Variants in MAPRE2 observed in about 807,000 individuals in gnomAD.
The protein encoded by MAPRE2 is microtubule-associated protein RP/EB family member 2.
A neutral mutation model predicts 43.2 loss-of-function variants in MAPRE2; 13 were observed. The observed-to-expected ratio is 0.30, with a 90% CI of 0.20 to 0.48. The LOEUF (loss-of-function observed/expected upper bound fraction) is 0.48, where lower values mean the gene tolerates loss of function less well. MAPRE2 is among the 20% of genes least tolerant of loss of function. The pLI, the probability that MAPRE2 is intolerant of heterozygous loss-of-function variation, is 0.99. For missense variants in MAPRE2, 161 were observed against 400.2 expected, an observed-to-expected ratio of 0.40 and a Z score of 5.10; for synonymous variants, 135 against 148.8, an observed-to-expected ratio of 0.91 and a Z score of 0.68.
chr18:35,102,777 C>T (rs1286009648), intron 4 of MAPRE2, among the ~76,000 whole-genome samples: 1 of 152,108 alleles, frequency 6.6e-6, no homozygotes, highest in Non-Finnish European at 1.5e-5. Context: ...ATATTATAAA[C>T]ATCCTTGCCA....
At position 35,079,020 on chromosome 18, in the gene MAPRE2, C is replaced by T. The variant is rs1023490993; in HGVS notation, c.250+8698C>T. On this transcript the variant is annotated intron_variant, in intron 2 of 6. Coordinates refer to ENST00000300249, the MANE Select transcript of MAPRE2 (RefSeq NM_014268.4). ...TCCCTCCAAGCAAGATGAGGTGGCT[C>T]TGAAATTTTGCCACCTGCCATGGAG... is the stretch of plus-strand genomic sequence containing the variant. Among the ~76,000 whole-genome samples, 10 of 152,180 alleles carry T rather than the reference C, an allele frequency of 6.6e-5. No individual in the cohort carries two copies. In the East Asian group the frequency reaches 9.6e-4, roughly 15 times the overall value.
intron 1 of MAPRE2, among the ~76,000 whole-genome samples, chr18:35,051,788 A>G (rs1211311297): frequency 6.6e-6 from 1 of 152,226 alleles, no homozygotes; most frequent in Non-Finnish European, 1.5e-5. Context: ...GCATATGGAA[A>G]TAATAGTAGC....
At position 35,062,861 on chromosome 18, in the gene MAPRE2, C is replaced by T. The variant is rs530503735; in HGVS notation, c.123-7334C>T. 4.6e-5 allele frequency among the ~76,000 whole-genome samples: 7 copies of T among 152,308 alleles called. No homozygotes were observed. In the South Asian group the frequency reaches 1.5e-3, roughly 32 times the overall value. On this transcript the variant is annotated intron_variant, in intron 1 of 6. Transcript: ENST00000300249. ...AAAAATATACTTTTTCTTTATATCT[C>T]TCTTCTAGTCTGCTCGTTGTTTCAT...
intron 1 of MAPRE2, among the ~76,000 whole-genome samples, chr18:35,046,431 C>T (rs1905625050): frequency 6.6e-6 from 1 of 152,178 alleles, no homozygotes; most frequent in Admixed American, 6.5e-5. Context: ...AGCTAAAAGA[C>T]ACTGAGAGAA....
intron 2 of MAPRE2, among the ~76,000 whole-genome samples, chr18:35,020,283 T>G (rs1441398810): frequency 6.6e-6 from 1 of 152,158 alleles, no homozygotes; most frequent in Non-Finnish European, 1.5e-5. Flanking sequence ...GGATATTTTA[T>G]TCTCCAGCTG....
chr18:35,082,735 A>G (rs750652366), intron 2 of MAPRE2, among the ~76,000 whole-genome samples: 9 of 152,092 alleles, frequency 5.9e-5, no homozygotes, highest in Non-Finnish European at 1.0e-4. Context: ...GACTGAAATG[A>G]TCATGCAAGT....
At chr18:35,017,556 G>GT (rs1329152282) in intron 2 of MAPRE2, among the ~76,000 whole-genome samples, 1 of 97,744 alleles carries the variant, frequency 1.0e-5, no homozygotes, top group Non-Finnish European at 2.5e-5. Context: ...TTTTTCTTTT[G>GT]TTTTTTGTTT....
chr18:35,029,002 G>A (rs755849957), intron 2 of MAPRE2, among the ~76,000 whole-genome samples: 2 of 152,122 alleles, frequency 1.3e-5, no homozygotes, highest in Non-Finnish European at 2.9e-5. Flanking sequence ...CTTAAAGGAG[G>A]CCCATTATGT....
At chr18:34,978,750 T>A (rs181058731) in intron 1 of MAPRE2, among the ~76,000 whole-genome samples, 11 of 151,962 alleles carry the variant, frequency 7.2e-5, no homozygotes, top group Non-Finnish European at 1.3e-4. Flanking sequence ...GCTCACCGAG[T>A]GATTGGTAGA....
At chr18:35,114,630 GT>G (rs1909325584) in intron 4 of MAPRE2, among the ~76,000 whole-genome samples, 1 of 152,192 alleles carries the variant, frequency 6.6e-6, no homozygotes, top group Non-Finnish European at 1.5e-5. Flanking sequence ...TGATTTGAAA[GT>G]GAAGGATAGA....
intron 1 of MAPRE2, among the ~76,000 whole-genome samples, chr18:35,068,162 A>G (rs1334918698): frequency 3.6e-4 from 55 of 152,352 alleles, no homozygotes; most frequent in Non-Finnish European, 1.9e-4. Context: ...AACTCCAAAC[A>G]CAACTATTTC....
At chr18:35,007,877 G>A (rs1047145836) in intron 2 of MAPRE2, among the ~76,000 whole-genome samples, 11 of 151,816 alleles carry the variant, frequency 7.2e-5, no homozygotes, top group Admixed American at 1.3e-4. Context: ...TTCCAGATCC[G>A]CAACCAAAAG....
At chr18:35,060,004 G>C (rs1342743008) in intron 1 of MAPRE2, among the ~76,000 whole-genome samples, 1 of 152,212 alleles carries the variant, frequency 6.6e-6, no homozygotes, top group East Asian at 1.9e-4. Context: ...CCTAGTGGCA[G>C]CATGATTGTT....
chr18:35,050,595 T>C (rs1428164090), intron 1 of MAPRE2, among the ~76,000 whole-genome samples: 1 of 152,232 alleles, frequency 6.6e-6, no homozygotes, highest in East Asian at 1.9e-4. Flanking sequence ...TATTTTAAAA[T>C]ATCCTCTTTG....
intron 2 of MAPRE2, among the ~76,000 whole-genome samples, chr18:35,078,647 G>A (rs993024595): frequency 9.9e-5 from 15 of 152,166 alleles, no homozygotes; most frequent in Admixed American, 7.2e-4. Flanking sequence ...TGGATGCAAC[G>A]AAGGGTTCAC....
chr18:35,060,306 G>A (rs1906459242), intron 1 of MAPRE2, among the ~76,000 whole-genome samples: 1 of 152,100 alleles, frequency 6.6e-6, no homozygotes, highest in Non-Finnish European at 1.5e-5. Flanking sequence ...CGGGGGAGGG[G>A]GTACTGAGAA....
chr18:35,082,183 G>C lies in MAPRE2; in HGVS notation c.250+11861G>C, dbSNP rs1907670325. 1.8e-5 allele frequency: 2 copies of C among 110,274 alleles called. 1 individual carries two copies. Among genetic ancestry groups the C allele is most frequent in the East Asian group, 6.6e-4 (2 of 3,020 alleles). The allele number at this position is 110,274 out of a possible 1,614,324, so 6.8% of individuals were successfully genotyped here. Reference sequence around the variant, plus strand: ...CGGGCGCCTGTAGTCCCAGCTACTTGGGAGGCTGAGGCAGGAGAATGGCGT... The same window carrying C: ...CGGGCGCCTGTAGTCCCAGCTACTTCGGAGGCTGAGGCAGGAGAATGGCGT... On this transcript the variant is annotated intron_variant, in intron 2 of 6. Coordinates refer to ENST00000300249, the MANE Select transcript of MAPRE2 (RefSeq NM_014268.4).
intron 1 of MAPRE2, among the ~76,000 whole-genome samples, chr18:35,002,197 C>T (rs903324466): frequency 6.6e-6 from 1 of 152,170 alleles, no homozygotes; most frequent in African/African-American, 2.4e-5. Context: ...CAGTATATAA[C>T]TTTTAAGGAC....
At chr18:35,004,689 A>G (rs2097030938) in intron 1 of MAPRE2, among the ~76,000 whole-genome samples, 1 of 152,218 alleles carries the variant, frequency 6.6e-6, no homozygotes. Context: ...AAGCCAAGGC[A>G]GGCGGATCGC....
Sources: allele counts gnomAD v4.1 joint callset (sites outside exome capture counted in the v4.1 genomes callset), GRCh38; gene constraint gnomAD v4.1.1; transcripts MANE v1.5; gene names NCBI Gene and HGNC (gene_info 2026-07-23, HGNC 2026-07-21).